Variants in FHIP1A observed in about 807,000 individuals in gnomAD.
FHIP1A encodes the protein FHF complex subunit HOOK-interacting protein 1A.
In FHIP1A, 61 loss-of-function variants were observed where a neutral mutation model predicts 88.6. That is an observed-to-expected ratio of 0.69 (90% confidence interval 0.56 to 0.85). FHIP1A has a LOEUF of 0.85. Among genes scored for constraint, FHIP1A ranks in the 40% least tolerant of loss-of-function variants. The probability of loss-of-function intolerance (pLI) is 0.00; values close to 1 mark genes in which losing one functional copy is unlikely to be tolerated. For synonymous variants in FHIP1A, 478 were observed against 496.0 expected, an observed-to-expected ratio of 0.96 and a Z score of 0.48; for missense variants, 1,154 against 1,273.5, an observed-to-expected ratio of 0.91 and a Z score of 1.43.
intron 3 of FHIP1A, among the ~76,000 whole-genome samples, chr4:151,537,118 T>C (rs1256715270): frequency 6.6e-6 from 1 of 152,074 alleles, no homozygotes; most frequent in African/African-American, 2.4e-5. Context: ...GCTTATGTGA[T>C]CCTCCCTCCT....
chr4:151,491,667 G>A (rs1730287508), intron 3 of FHIP1A, among the ~76,000 whole-genome samples: 1 of 152,038 alleles, frequency 6.6e-6, no homozygotes, highest in African/African-American at 2.4e-5. Flanking sequence ...GAGCGTAAAT[G>A]ACCTAAATGC....
At chr4:151,567,970 GT>G (rs1272024185) in intron 4 of FHIP1A, among the ~76,000 whole-genome samples, 1 of 152,114 alleles carries the variant, frequency 6.6e-6, no homozygotes. Context: ...TTCTGCTGGG[GT>G]AACTGTGATA....
intron 3 of FHIP1A, among the ~76,000 whole-genome samples, chr4:151,488,757 G>A (rs576459955): frequency 1.3e-5 from 2 of 152,128 alleles, no homozygotes; most frequent in Admixed American, 6.5e-5. Flanking sequence ...CTTTTAGACC[G>A]TGAGCTGCAT....
intron 7 of FHIP1A, among the ~76,000 whole-genome samples, chr4:151,623,965 C>A: frequency 6.6e-6 from 1 of 152,162 alleles, no homozygotes; most frequent in East Asian, 1.9e-4. Flanking sequence ...CTGCTTACAA[C>A]AGCAAAACAC....
intron 7 of FHIP1A, among the ~76,000 whole-genome samples, chr4:151,593,042 T>C (rs962926565): frequency 6.6e-5 from 10 of 152,208 alleles, no homozygotes; most frequent in South Asian, 2.1e-4. Flanking sequence ...TTGCTTGTTT[T>C]AGTTAGGTTT....
At chr4:151,442,183 G>A (rs1264833160) in intron 1 of FHIP1A, among the ~76,000 whole-genome samples, 1 of 152,134 alleles carries the variant, frequency 6.6e-6, no homozygotes, top group Non-Finnish European at 1.5e-5. Flanking sequence ...CCAAGATTAT[G>A]TGCCGCGTGG....
At chr4:151,426,865 C>T (rs1213863896) in intron 1 of FHIP1A, among the ~76,000 whole-genome samples, 2 of 151,942 alleles carry the variant, frequency 1.3e-5, no homozygotes, top group African/African-American at 2.4e-5. Context: ...CTTTAAAAAC[C>T]AAAAATAATG....
chr4:151,433,093 C>T (rs560532435), intron 1 of FHIP1A, among the ~76,000 whole-genome samples: 98 of 152,168 alleles, frequency 6.4e-4, no homozygotes, highest in Non-Finnish European at 6.2e-4. Flanking sequence ...GAAAGCCTTT[C>T]GGGTTAGGCC....
At chr4:151,458,992 A>G (rs1729059423) in intron 2 of FHIP1A, among the ~76,000 whole-genome samples, 1 of 152,170 alleles carries the variant, frequency 6.6e-6, no homozygotes, top group Non-Finnish European at 1.5e-5. Context: ...TAAACGAACA[A>G]GTGACTTGTT....
intron 3 of FHIP1A, among the ~76,000 whole-genome samples, chr4:151,528,838 C>G (rs950611620): frequency 2.0e-5 from 3 of 152,154 alleles, no homozygotes; most frequent in Non-Finnish European, 4.4e-5. Context: ...ATTTTCCCCC[C>G]CTTCAGCTGA....
At chr4:151,427,957 T>C (rs1284819632) in intron 1 of FHIP1A, among the ~76,000 whole-genome samples, 1 of 152,148 alleles carries the variant, frequency 6.6e-6, no homozygotes, top group Non-Finnish European at 1.5e-5. Flanking sequence ...GCCATCCTTT[T>C]AGAGTTATAA....
intron 2 of FHIP1A, among the ~76,000 whole-genome samples, chr4:151,457,337 C>T (rs2126592783): frequency 1.3e-5 from 2 of 152,308 alleles, no homozygotes; most frequent in Middle Eastern, 6.8e-3. Context: ...TGACCACTGA[C>T]AGGTGCATTT....
chr4:151,467,507 G>C (rs982609701), intron 2 of FHIP1A, among the ~76,000 whole-genome samples: 2 of 152,124 alleles, frequency 1.3e-5, no homozygotes, highest in Non-Finnish European at 1.5e-5. Context: ...TCACTCTACT[G>C]TAAAGATACA....
intron 1 of FHIP1A, among the ~76,000 whole-genome samples, chr4:151,417,499 G>A (rs113774325): frequency 0.011 from 1,696 of 152,292 alleles, 25 homozygotes; most frequent in African/African-American, 0.04. Flanking sequence ...GATTGGTTTT[G>A]GGAGGGGACC....
At chr4:151,564,392 C>CT (rs1476705524) in intron 3 of FHIP1A, among the ~76,000 whole-genome samples, 2 of 152,034 alleles carry the variant, frequency 1.3e-5, no homozygotes, top group African/African-American at 4.8e-5. Flanking sequence ...TGTTTTATCT[C>CT]TTATCATTTA....
At chr4:151,504,809 G>A (rs970243271) in intron 3 of FHIP1A, among the ~76,000 whole-genome samples, 1 of 152,046 alleles carries the variant, frequency 6.6e-6, no homozygotes, top group Non-Finnish European at 1.5e-5. Flanking sequence ...GGAGAGAAGG[G>A]GTTTCACCAC....
intron 4 of FHIP1A, among the ~76,000 whole-genome samples, chr4:151,573,295 T>C (rs961160147): frequency 7.5e-5 from 11 of 147,620 alleles, no homozygotes; most frequent in South Asian, 2.1e-4. Context: ...CACACACACA[T>C]ACACACACAC....
chr4:151,410,191 CTAGTGAAT>C (rs1023571173), intron 1 of FHIP1A, among the ~76,000 whole-genome samples: 3 of 152,204 alleles, frequency 2.0e-5, no homozygotes, highest in African/African-American at 7.2e-5. Flanking sequence ...ATGAGCAGGT[CTAGTGAAT>C]TAGTGTCCCA....
chr4:151,418,755 A>G (rs778732377), intron 1 of FHIP1A, among the ~76,000 whole-genome samples: 7 of 152,222 alleles, frequency 4.6e-5, no homozygotes, highest in African/African-American at 9.6e-5. Context: ...TCCTGACATC[A>G]AAGTAAACCA....
Sources: gnomAD v4.1 joint callset for allele counts (sites outside exome capture counted in the v4.1 genomes callset) on GRCh38, gnomAD v4.1.1 for gene constraint, MANE v1.5 for transcripts, NCBI Gene and HGNC (gene_info 2026-07-23, HGNC 2026-07-21) for gene names.